Variants in IQGAP2 observed in about 807,000 individuals in gnomAD.
The protein encoded by IQGAP2 is ras GTPase-activating-like protein IQGAP2.
A neutral mutation model predicts 201.3 loss-of-function variants in IQGAP2; 173 were observed. That is an observed-to-expected ratio of 0.86 (90% CI 0.76 to 0.98). IQGAP2 has a LOEUF of 0.98. Among genes scored for constraint, IQGAP2 ranks in the 50% least tolerant of loss-of-function variants. The pLI is 0.00. For missense variants in IQGAP2, 1,687 were observed against 1,864.8 expected, an observed-to-expected ratio of 0.90 and a Z score of 1.76; for synonymous variants, 675 against 673.9, an observed-to-expected ratio of 1.00 and a Z score of -0.03.
At position 76,590,564 on chromosome 5, in the gene IQGAP2, A is replaced by G. The variant is rs763926809; in HGVS notation, c.797A>G (p.Lys266Arg). 26 of 1,610,034 alleles carry G rather than the reference A, an allele frequency of 1.6e-5. No homozygotes were observed. In the South Asian group the frequency reaches 2.8e-4, roughly 17 times the overall value. The change falls in exon 8 of 36, where the codon AAA (lysine) becomes AGA (arginine). Residue 266 changes from lysine (K) to arginine (R), a missense_variant. Transcript: ENST00000274364. Reference sequence around the variant, plus strand: ...GAACTCTGGGATGCCAAAAAGAAAAAAGAGGAAAATGCAAGACTGAAGGTG... The same window carrying G: ...GAACTCTGGGATGCCAAAAAGAAAAGAGAGGAAAATGCAAGACTGAAGGTG... ...QKELWDAKKK[K>R]EENARLKNSC...
At chr5:76,683,074 T>G in intron 28 of IQGAP2, 41 bp from the exon 29 acceptor site, 2 of 1,268,584 alleles carry the variant, frequency 1.6e-6, no homozygotes, top group Non-Finnish European at 2.3e-6. Flanking sequence ...CAGTTGAGAA[T>G]TTACTTTTTT....
intron 1 of IQGAP2, among the ~76,000 whole-genome samples, chr5:76,437,689 C>T (rs1752783560): frequency 6.6e-6 from 1 of 152,156 alleles, no homozygotes; most frequent in African/African-American, 2.4e-5. Context: ...ATCCATGTCC[C>T]TGCAAAGGAC....
chr5:76,659,486 A>G (rs959585368), intron 21 of IQGAP2, among the ~76,000 whole-genome samples: 5 of 152,204 alleles, frequency 3.3e-5, no homozygotes, highest in Non-Finnish European at 5.9e-5. Flanking sequence ...CTATTTGTAA[A>G]GTTCAACATT....
At position 76,632,152 on chromosome 5, in the gene IQGAP2, A is replaced by G. The variant is rs1184425666; in HGVS notation, c.1780+126A>G. On this transcript the variant is annotated intron_variant, in intron 15 of 35. Coordinates refer to ENST00000274364, the MANE Select transcript of IQGAP2 (RefSeq NM_006633.5). Reference sequence around the variant, plus strand: ...ACATTTCTGTAATTTTTTGTCATCTATGGCTAAGGAAATTAGGAAAAGTTT... The same window carrying G: ...ACATTTCTGTAATTTTTTGTCATCTGTGGCTAAGGAAATTAGGAAAAGTTT... 6 of 803,650 alleles carry G rather than the reference A, an allele frequency of 7.5e-6. No individual in the cohort carries two copies. In the East Asian group the frequency reaches 1.5e-4, roughly 20 times the overall value. 49.8% of individuals were successfully genotyped at this position (803,650 alleles called of 1,614,324 possible). A position where few individuals can be genotyped will look rare whatever the true frequency, so the allele number is the denominator to read the frequency against.
chr5:76,618,305 G>A (rs771628536), intron 13 of IQGAP2: 2 of 1,614,122 alleles, frequency 1.2e-6, no homozygotes, highest in African/African-American at 1.3e-5. Context: ...CAATGGCCAG[G>A]TTGGTGTAGA....
intron 1 of IQGAP2, among the ~76,000 whole-genome samples, chr5:76,432,322 A>T (rs977965844): frequency 6.6e-6 from 1 of 151,774 alleles, no homozygotes; most frequent in African/African-American, 2.4e-5. Flanking sequence ...ATGGGGTTTT[A>T]CCCTGTTGGC....
intron 35 of IQGAP2, 71 bp downstream of exon 35, chr5:76,702,661 T>G (rs1747511040): frequency 3.8e-6 from 3 of 792,374 alleles, no homozygotes; most frequent in Admixed American, 3.7e-5. Flanking sequence ...ACCCTGGCTC[T>G]CTCTCTTCAG....
chr5:76,496,757 C>CTTTCTTTCTTTCTTTCT lies in IQGAP2; in HGVS notation c.146+35091_146+35107dup, dbSNP rs1561416489. On this transcript the variant is annotated intron_variant, in intron 2 of 35. Transcript: ENST00000274364. Reference sequence around the variant, plus strand: ...TCTTTCTTTCTTTCTTTCTTTCTTTCTTTCTTTCTTTCTTTCTTTCTTTCT... The same window carrying CTTTCTTTCTTTCTTTCT: ...TCTTTCTTTCTTTCTTTCTTTCTTTCTTTCTTTCTTTCTTTCTTTTCTTTCTTTCTTTCTTTCTTTCT... Among the ~76,000 whole-genome samples, 414 of 79,288 alleles carry CTTTCTTTCTTTCTTTCT rather than the reference C, an allele frequency of 5.2e-3. 6 individuals carry two copies. Among genetic ancestry groups the CTTTCTTTCTTTCTTTCT allele is most frequent in the East Asian group, 0.023 (76 of 3,370 alleles). The allele number at this position is 79,288 out of a possible 152,430, so 52.0% of individuals were successfully genotyped here.
At chr5:76,627,373 A>C (rs373083708) in intron 13 of IQGAP2, 37 bp from the exon 14 acceptor site, 1 of 1,285,040 alleles carries the variant, frequency 7.8e-7, no homozygotes. Flanking sequence ...CTCATCATTC[A>C]CTCTTCTTTC....
intron 24 of IQGAP2, among the ~76,000 whole-genome samples, chr5:76,672,318 C>T (rs1488945611): frequency 6.6e-6 from 1 of 152,034 alleles, no homozygotes; most frequent in Non-Finnish European, 1.5e-5. Flanking sequence ...AGGCAAGTAA[C>T]TTTAAGGTGT....
At chr5:76,693,277 G>C (rs1746435353) in intron 30 of IQGAP2, 78 bp from the exon 31 acceptor site, 1 of 849,068 alleles carries the variant, frequency 1.2e-6, no homozygotes, top group Admixed American at 2.4e-5. Flanking sequence ...ATGTGTTTGT[G>C]CACTCTCTTA....
At chr5:76,433,495 A>G (rs1176979331) in intron 1 of IQGAP2, among the ~76,000 whole-genome samples, 1 of 152,160 alleles carries the variant, frequency 6.6e-6, no homozygotes, top group Non-Finnish European at 1.5e-5. Flanking sequence ...TAAACAAACA[A>G]ACAAAAATGC....
chr5:76,503,757 T>C (rs1757432239), intron 2 of IQGAP2, among the ~76,000 whole-genome samples: 1 of 151,498 alleles, frequency 6.6e-6, no homozygotes, highest in African/African-American at 2.4e-5. Flanking sequence ...CATGCCCAGC[T>C]AATTTTTGTA....
intron 13 of IQGAP2, among the ~76,000 whole-genome samples, chr5:76,621,083 C>A (rs558136643): frequency 6.6e-6 from 1 of 152,142 alleles, no homozygotes; most frequent in East Asian, 1.9e-4. Flanking sequence ...GCCAGTACTG[C>A]GCCATTATGT....
intron 14 of IQGAP2, chr5:76,628,744 T>G: frequency 2.2e-6 from 1 of 456,010 alleles, no homozygotes; most frequent in Non-Finnish European, 4.4e-6. Context: ...CTCCTTAGCT[T>G]AGAAAAATGT....
chr5:76,703,403 G>T (rs1294882661), intron 35 of IQGAP2, among the ~76,000 whole-genome samples: 1 of 152,106 alleles, frequency 6.6e-6, no homozygotes, highest in African/African-American at 2.4e-5. Flanking sequence ...TGATCTGCCT[G>T]GCTTAGCCTC....
chr5:76,647,525 A>AGACCT (rs202143210), intron 17 of IQGAP2, among the ~76,000 whole-genome samples: 143,022 of 151,906 alleles, frequency 0.94, 67,651 homozygotes, highest in African/African-American at 0.99. Context: ...AAGTCTCATG[A>AGACCT]GATGGTTTAT....
chr5:76,446,186 A>C (rs1307220022), intron 1 of IQGAP2, among the ~76,000 whole-genome samples: 1 of 152,178 alleles, frequency 6.6e-6, no homozygotes, highest in African/African-American at 2.4e-5. Context: ...GCTTTCGCTT[A>C]TTTTGGGTGT....
intron 32 of IQGAP2, among the ~76,000 whole-genome samples, chr5:76,696,870 CTATTTAATGAAGAAT>C (rs1746798728): frequency 6.9e-6 from 1 of 144,844 alleles, no homozygotes; most frequent in Non-Finnish European, 1.5e-5. Flanking sequence ...ATGAAGAATT[CTATTTAATGAAGAAT>C]ATTCTATTTA....
Sources: allele counts gnomAD v4.1 joint callset (sites outside exome capture counted in the v4.1 genomes callset), GRCh38; gene constraint gnomAD v4.1.1; transcripts MANE v1.5; gene names NCBI Gene and HGNC (gene_info 2026-07-23, HGNC 2026-07-21).